KCNK2: variants seen among roughly 807,000 people sequenced by gnomAD.
KCNK2 encodes the protein potassium channel subfamily K member 2.
In KCNK2, 21 loss-of-function variants were observed where a neutral mutation model predicts 40.5. The ratio of observed to expected loss-of-function variants is 0.52; its 90% CI spans 0.37 to 0.75. KCNK2 has a LOEUF of 0.75. Among genes scored for constraint, KCNK2 ranks in the 30% least tolerant of loss-of-function variants. The probability of loss-of-function intolerance (pLI) is 0.00; values close to 1 mark genes in which losing one functional copy is unlikely to be tolerated. For synonymous variants in KCNK2, 191 were observed against 202.2 expected (o/e 0.94, Z 0.47); for missense variants, 399 against 531.6 (o/e 0.75, Z 2.45).
chr1:215,098,159 C>T (rs1660059760), intron 2 of KCNK2, among the ~76,000 whole-genome samples: 1 of 151,946 alleles, frequency 6.6e-6, no homozygotes, highest in Admixed American at 6.6e-5. Context: ...TGCAGACATA[C>T]ATTCTGCTTA....
chr1:215,033,833 T>C (rs1462959331), intron 1 of KCNK2, among the ~76,000 whole-genome samples: 1 of 152,214 alleles, frequency 6.6e-6, no homozygotes, highest in Non-Finnish European at 1.5e-5. Flanking sequence ...TTCAAAATGA[T>C]TCCTTATTTA....
intron 5 of KCNK2, among the ~76,000 whole-genome samples, chr1:215,185,017 G>T (rs1429721842): frequency 2.0e-5 from 3 of 152,034 alleles, no homozygotes; most frequent in Middle Eastern, 3.2e-3. Flanking sequence ...CAGAGTCATG[G>T]CATAGTATCA....
chr1:215,148,433 C>T (rs1387590597), intron 3 of KCNK2, among the ~76,000 whole-genome samples: 1 of 151,790 alleles, frequency 6.6e-6, no homozygotes, highest in Admixed American at 6.6e-5. Context: ...TTTTGCTTTT[C>T]CTTGCTGTCC....
chr1:215,042,775 T>G (rs1657612030), intron 1 of KCNK2, among the ~76,000 whole-genome samples: 1 of 152,188 alleles, frequency 6.6e-6, no homozygotes, highest in Non-Finnish European at 1.5e-5. Context: ...TCTCATAAAA[T>G]CATGACTTAT....
At chr1:215,216,451 AT>A (rs1558144408) in intron 6 of KCNK2, among the ~76,000 whole-genome samples, 1 of 148,230 alleles carries the variant, frequency 6.7e-6, no homozygotes, top group Non-Finnish European at 1.5e-5. Context: ...ATATCAGATT[AT>A]TATATGTAAC....
intron 1 of KCNK2, among the ~76,000 whole-genome samples, chr1:215,012,361 G>C (rs1367091869): frequency 6.6e-6 from 1 of 152,028 alleles, no homozygotes; most frequent in Non-Finnish European, 1.5e-5. Context: ...CGTTCTAATA[G>C]GTGTATAGTG....
At position 215,194,666 on chromosome 1, in the gene KCNK2, G is replaced by C. The variant is rs557482973; in HGVS notation, c.824-287G>C. Among the ~76,000 whole-genome samples the C allele has an allele frequency of 3.3e-5, 5 of 152,262 alleles. No homozygotes were observed. In the South Asian group the frequency reaches 1.0e-3, roughly 32 times the overall value. ...ATAGAATAATTAAGTACTAGACTGA[G>C]ATGGATTATATAAATGTAAATGAAA... is the stretch of plus-strand genomic sequence containing the variant. On this transcript the variant is annotated intron_variant, in intron 5 of 6. Transcript: ENST00000444842.
intron 1 of KCNK2, among the ~76,000 whole-genome samples, chr1:215,086,049 G>A (rs890979931): frequency 6.6e-6 from 1 of 152,116 alleles, no homozygotes; most frequent in African/African-American, 2.4e-5. Context: ...CCGGCACAGT[G>A]GACAGATGTA....
Position 215,169,197 on chromosome 1 carries a change from AG to A in KCNK2, c.476del. ...TTTGTAAACAATGTAATTTTTTTAA[AG>A]GATTTGGAAACATCTCACCACGCAC... On this transcript the variant is annotated splice_acceptor_variant, in intron 3 of 6. Coordinates refer to ENST00000444842, the MANE Select transcript of KCNK2 (RefSeq NM_001017425.3). LOFTEE classifies it high-confidence loss of function. 6.3e-7 allele frequency: 1 copy of A among 1,583,722 alleles called. No homozygotes were observed. Among genetic ancestry groups the A allele is most frequent in the Non-Finnish European group, 8.6e-7 (1 of 1,167,148 alleles).
chr1:215,187,337 C>T (rs183539885), intron 5 of KCNK2, among the ~76,000 whole-genome samples: 21 of 152,192 alleles, frequency 1.4e-4, no homozygotes, highest in African/African-American at 4.3e-4. Flanking sequence ...TGATTCTCTA[C>T]GTTCTGTTTC....
At chr1:215,143,149 A>G (rs759383657) in intron 3 of KCNK2, among the ~76,000 whole-genome samples, 1 of 151,964 alleles carries the variant, frequency 6.6e-6, no homozygotes, top group Non-Finnish European at 1.5e-5. Context: ...CCTTTTTTTT[A>G]AATTGAATTT....
intron 6 of KCNK2, among the ~76,000 whole-genome samples, chr1:215,208,744 A>G (rs1665424430): frequency 6.6e-6 from 1 of 152,142 alleles, no homozygotes; most frequent in Admixed American, 6.5e-5. Context: ...CTGTGAGTAT[A>G]AATATGATGA....
At position 215,189,891 on chromosome 1, in the gene KCNK2, A is replaced by AC. The variant is rs1664596969; in HGVS notation, c.824-5056dup. Among the ~76,000 whole-genome samples the AC allele has an allele frequency of 2.6e-5, 4 of 152,150 alleles. No homozygotes were observed. In the South Asian group the frequency reaches 8.3e-4, roughly 32 times the overall value. On this transcript the variant is annotated intron_variant, in intron 5 of 6. Transcript: ENST00000444842. ...AATTAATAAAAGTAAAGTCAAGTAA[A>AC]CCCCCCAAAATTAAAATCCATGTTT...
intron 6 of KCNK2, among the ~76,000 whole-genome samples, chr1:215,221,514 C>T (rs1666175727): frequency 6.6e-6 from 1 of 152,024 alleles, no homozygotes; most frequent in Non-Finnish European, 1.5e-5. Context: ...GTAAAATATG[C>T]TAGAGAAAAT....
rs561518098 is a variant in KCNK2, at chr1:215,059,317, A to C, written c.35-27051A>C. On this transcript the variant is annotated intron_variant, in intron 1 of 6. Transcript: ENST00000391895. ...ATTATTACTTTAGTGAACGCTGCTG[A>C]ATTAATGATTTAACCTCTGAACACA... Among the ~76,000 whole-genome samples, 27 of 152,222 alleles carry C rather than the reference A, an allele frequency of 1.8e-4. No individual in the cohort carries two copies. In the East Asian group the frequency reaches 5.2e-3, roughly 30 times the overall value.
intron 1 of KCNK2, among the ~76,000 whole-genome samples, chr1:215,045,209 C>CAAA (rs34843930): frequency 1.3e-3 from 189 of 146,834 alleles, no homozygotes; most frequent in African/African-American, 3.8e-3. Context: ...AAACAAAAAC[C>CAAA]AAAAAAAAAA....
intron 6 of KCNK2, among the ~76,000 whole-genome samples, chr1:215,207,626 C>T (rs1665372567): frequency 6.6e-6 from 1 of 152,190 alleles, no homozygotes; most frequent in Non-Finnish European, 1.5e-5. Flanking sequence ...CAAATACGCT[C>T]ACCAAAGTAG....
intron 6 of KCNK2, among the ~76,000 whole-genome samples, chr1:215,206,066 A>C (rs1665303560): frequency 6.6e-6 from 1 of 152,190 alleles, no homozygotes; most frequent in Non-Finnish European, 1.5e-5. Flanking sequence ...CCAGCCTTTT[A>C]AGAAAACCCT....
intron 6 of KCNK2, among the ~76,000 whole-genome samples, chr1:215,228,912 G>A (rs1666506093): frequency 1.3e-5 from 2 of 152,126 alleles, no homozygotes; most frequent in Non-Finnish European, 2.9e-5. Context: ...TACATTAGGG[G>A]ATTATGTGTT....
Sources: gnomAD v4.1 joint callset for allele counts (sites outside exome capture counted in the v4.1 genomes callset) on GRCh38, gnomAD v4.1.1 for gene constraint, MANE v1.5 for transcripts, NCBI Gene and HGNC (gene_info 2026-07-23, HGNC 2026-07-21) for gene names.